The following ANXA11 variants were observed in gnomAD, a reference collection of about 807,000 sequenced individuals.
The protein encoded by ANXA11 is 56 kDa autoantigen.
ANXA11 carries 57 observed loss-of-function variants against 64.7 expected under a neutral mutation model. The ratio of observed to expected loss-of-function variants is 0.88; its 90% CI spans 0.71 to 1.10. The LOEUF is 1.10. Among genes scored for constraint, ANXA11 ranks in the 50% least tolerant of loss-of-function variants. The pLI, the probability that ANXA11 is intolerant of heterozygous loss-of-function variation, is 0.00. For missense variants in ANXA11, 675 were observed against 670.7 expected (o/e 1.01, Z -0.07); for synonymous variants, 260 against 265.2 (o/e 0.98, Z 0.19).
Position 80,166,081 on chromosome 10 carries a change from C to T in ANXA11, c.858+3G>A, listed in dbSNP as rs981436701. On this transcript the variant is annotated splice_donor_region_variant and intron_variant, in intron 8 of 15. Coordinates refer to ENST00000422982, the MANE Select transcript of ANXA11 (RefSeq NM_145868.2). Reference sequence around the variant, plus strand: ...ACACACACACACACACACACGTACACACCTTGATGGCTTCCTTTATCTCAT... The same window carrying T: ...ACACACACACACACACACACGTACATACCTTGATGGCTTCCTTTATCTCAT... 7 of 1,536,722 alleles carry T rather than the reference C, an allele frequency of 4.6e-6. No homozygotes were observed. The highest frequency in any genetic ancestry group is 1.7e-5 in the Admixed American group (1 of 59,370).
Position 80,164,103 on chromosome 10 carries a change from G to A in ANXA11, c.899C>T (p.Ala300Val), listed in dbSNP as rs1564604453. The change falls in exon 9 of 16, where the codon GCT becomes GTT. Residue 300 changes from alanine (A) to valine (V), a missense_variant. Coordinates refer to ENST00000422982, the MANE Select transcript of ANXA11 (RefSeq NM_145868.2). ...TDEACLIEIL[A>V]SRSNEHIREL... ...TCGGATGTGCTCATTGCTGCGGGAA[G>A]CGAGGATCTCAATCAGGCAGGCTTC... 2 of 1,614,182 alleles carry A rather than the reference G, an allele frequency of 1.2e-6. No homozygotes were observed. Among genetic ancestry groups the A allele is most frequent in the South Asian group, 1.1e-5 (1 of 91,080 alleles).
In ANXA11 at chr10:80,159,185, C is replaced by G. The variant is rs962957286; in HGVS notation, c.1191G>C (p.Glu397Asp). 3.0e-5 allele frequency: 49 copies of G among 1,613,744 alleles called. No homozygotes were observed. In the Admixed American group the frequency reaches 5.5e-4, roughly 18 times the overall value. Residue 397 changes from glutamate to aspartate, a missense_variant, in exon 13 of 16, where the codon GAG becomes GAC. Coordinates refer to ENST00000422982, the MANE Select transcript of ANXA11 (RefSeq NM_145868.2). Reference sequence around the variant, plus strand: ...TGTCCCGGCCTGTCATTCTCTGGTACTCATTGAAAACTATGGGGATGACAG... The same window carrying G: ...TGTCCCGGCCTGTCATTCTCTGGTAGTCATTGAAAACTATGGGGATGACAG... Reference protein sequence around the residue: ...SRAHLVAVFNEYQRMTGRDIE... With the variant: ...SRAHLVAVFNDYQRMTGRDIE...
chr10:80,184,043 T>C (rs1229234107), intron 1 of ANXA11, among the ~76,000 whole-genome samples: 1 of 152,190 alleles, frequency 6.6e-6, no homozygotes, highest in Admixed American at 6.5e-5. Context: ...AGTTTTGTTA[T>C]GGAGCACATA....
chr10:80,167,449 T>C (rs1845793534), intron 5 of ANXA11, 136 bp from the exon 6 acceptor site: 3 of 713,898 alleles, frequency 4.2e-6, no homozygotes, highest in African/African-American at 1.8e-5. Context: ...CAGTCAACAA[T>C]GCAGAGGACT....
At chr10:80,200,585 T>C (rs1221403670) in intron 1 of ANXA11, among the ~76,000 whole-genome samples, 1 of 152,222 alleles carries the variant, frequency 6.6e-6, no homozygotes, top group South Asian at 2.1e-4. Flanking sequence ...GTTTTTGTTA[T>C]ACCTCTCAGA....
rs1191003222 is a variant in ANXA11, at chr10:80,153,595, A to T, written c.*2258T>A. 6.6e-6 allele frequency: 1 copy of T among 152,286 alleles called. No homozygotes were observed. Among genetic ancestry groups the T allele is most frequent in the Non-Finnish European group, 1.5e-5 (1 of 68,082 alleles). 9.4% of individuals were successfully genotyped at this position (152,286 alleles called of 1,614,324 possible). A position where few individuals can be genotyped will look rare whatever the true frequency, so the allele number is the denominator to read the frequency against. On this transcript the variant is annotated 3_prime_UTR_variant, in exon 16 of 16. Transcript: ENST00000422982. ...AGTTCATGGCAAGTTGTATATGCCA[A>T]GCACCCCATCCCATCAGGCAGGTCC...
chr10:80,203,131 T>G (rs1840511329), intron 1 of ANXA11, among the ~76,000 whole-genome samples: 1 of 150,952 alleles, frequency 6.6e-6, no homozygotes, highest in Middle Eastern at 3.2e-3. Context: ...TCCCAGGACC[T>G]CTGATGTTCC....
chr10:80,183,522 C>T (rs918391436), intron 1 of ANXA11, among the ~76,000 whole-genome samples: 2 of 152,262 alleles, frequency 1.3e-5, no homozygotes, highest in Admixed American at 1.3e-4. Context: ...AGCTAAAATA[C>T]ACCAGGGACA....
rs1656152007 is a variant in ANXA11 at position 80,156,770 on chromosome 10, C to G, written c.1459-858G>C. On this transcript the variant is annotated intron_variant, in intron 15 of 15. Coordinates refer to ENST00000422982, the MANE Select transcript of ANXA11 (RefSeq NM_145868.2). The stretch of plus-strand genomic sequence containing the variant: ...CCACCTGCCTCAGCCTCCCAAAGTG[C>G]TGGGATTACAGGCGTGAGCCACTGT... 2.6e-5 allele frequency among the ~76,000 whole-genome samples: 4 copies of G among 152,338 alleles called. No individual in the cohort carries two copies. In the South Asian group the frequency reaches 8.3e-4, roughly 32 times the overall value.
chr10:80,166,121 A>C lies in ANXA11; in HGVS notation c.821T>G (p.Val274Gly), dbSNP rs1196855452. 3 of 1,612,412 alleles carry C rather than the reference A, an allele frequency of 1.9e-6. No homozygotes were observed. Among genetic ancestry groups the C allele is most frequent in the Non-Finnish European group, 2.5e-6 (3 of 1,178,852 alleles). The change falls in exon 8 of 16, where the codon GTC (valine) becomes GGC (glycine). Residue 274 changes from valine to glycine, a missense_variant. Transcript: ENST00000422982. ...KTILALMKTP[V>G]LFDIYEIKEA... is the part of the protein sequence containing the mutation. ...CTTTATCTCATAAATGTCAAAGAGG[A>C]CTGGGGTCTTCATCAGAGCCAAGAT...
chr10:80,182,801 T>C (rs1413515343), intron 1 of ANXA11, among the ~76,000 whole-genome samples: 1 of 152,216 alleles, frequency 6.6e-6, no homozygotes, highest in Non-Finnish European at 1.5e-5. Context: ...GGTTAAGTAA[T>C]GTCTCAGGTG....
intron 2 of ANXA11, chr10:80,173,131 A>C: frequency 2.2e-6 from 1 of 457,056 alleles, no homozygotes. Flanking sequence ...TTCACTCCCC[A>C]TGAGCCAGTT....
At chr10:80,205,737 A>C (rs1840654192), upstream of ANXA11, among the ~76,000 whole-genome samples, 1 of 152,174 alleles carries the variant, frequency 6.6e-6, no homozygotes, top group African/African-American at 2.4e-5. Context: ...AGTGCCGCGC[A>C]GAGCCGCATT....
chr10:80,174,782 C>G (rs143265498), intron 2 of ANXA11, among the ~76,000 whole-genome samples: 1 of 152,184 alleles, frequency 6.6e-6, no homozygotes, highest in Non-Finnish European at 1.5e-5. Flanking sequence ...GGTCTGAACT[C>G]CTGGCCTCAA....
At chr10:80,164,256 T>C in intron 8 of ANXA11, 113 bp from the exon 9 acceptor site, 1 of 768,618 alleles carries the variant, frequency 1.3e-6, no homozygotes, top group South Asian at 1.7e-5. Flanking sequence ...CAGAGGCCCC[T>C]GACACAGAGA....
intron 15 of ANXA11, chr10:80,156,988 G>C (rs1845301452): frequency 1.0e-6 from 1 of 985,406 alleles, no homozygotes; most frequent in Non-Finnish European, 1.2e-6. Flanking sequence ...ACACAGCTGA[G>C]AATGTATTTT....
At chr10:80,203,063 A>G (rs1453206972) in intron 1 of ANXA11, among the ~76,000 whole-genome samples, 2 of 151,546 alleles carry the variant, frequency 1.3e-5, no homozygotes, top group Admixed American at 6.6e-5. Context: ...AAAAAAAAAA[A>G]AAGACAGCAG....
At position 80,157,403 on chromosome 10, in the gene ANXA11, G is replaced by A. The variant is rs542413068; in HGVS notation, c.1458+238C>T. ...TCACGGTCAAGGTTGGGGAGGTCCC[G>A]AGTGTTCTCTGATGCTGCTGGGGGA... is the stretch of plus-strand genomic sequence containing the variant. On this transcript the variant is annotated intron_variant, in intron 15 of 15. Transcript: ENST00000422982. 18 of 985,382 alleles carry A rather than the reference G, an allele frequency of 1.8e-5. No individual in the cohort carries two copies. The South Asian group carries it at 7.0e-4, about 39-fold the overall frequency. The allele number at this position is 985,382 out of a possible 1,614,324, so 61.0% of individuals were successfully genotyped here.
intron 1 of ANXA11, among the ~76,000 whole-genome samples, chr10:80,198,404 G>A (rs758150089): frequency 6.6e-6 from 1 of 152,242 alleles, no homozygotes; most frequent in Non-Finnish European, 1.5e-5. Flanking sequence ...GGCCTGCCAT[G>A]GGGATGTGAA....
Sources: gnomAD v4.1 joint callset for allele counts (sites outside exome capture counted in the v4.1 genomes callset) on GRCh38, gnomAD v4.1.1 for gene constraint, MANE v1.5 for transcripts, NCBI Gene and HGNC (gene_info 2026-07-23, HGNC 2026-07-21) for gene names.